The following NXPE4 variants were observed in gnomAD, a reference collection of about 807,000 sequenced individuals.
The protein encoded by NXPE4 is NXPE family member 4.
A neutral mutation model predicts 33.3 loss-of-function variants in NXPE4; 42 were observed. The observed-to-expected ratio is 1.26, with a 90% confidence interval of 0.98 to 1.63. The LOEUF (loss-of-function observed/expected upper bound fraction) is 1.63. Ranked by LOEUF, NXPE4 falls within the 40% of genes most tolerant of loss-of-function variation. The pLI is 0.00. For synonymous variants in NXPE4, 253 were observed against 234.9 expected (o/e 1.08, Z -0.71); for missense variants, 709 against 647.6 (o/e 1.09, Z -1.03).
chr11:114,656,830 T>C, the NXPE4 span, among the ~76,000 whole-genome samples: 1 of 152,070 alleles, frequency 6.6e-6, no homozygotes, highest in Non-Finnish European at 1.5e-5. Context: ...ATCAAATTAC[T>C]GCCTGTAATC....
the NXPE4 span, among the ~76,000 whole-genome samples, chr11:114,635,709 T>C: frequency 1.3e-5 from 2 of 151,990 alleles, no homozygotes; most frequent in African/African-American, 4.8e-5. Context: ...CTTTTCTGCA[T>C]CTATTGAGAT....
chr11:114,624,623 T>A, the NXPE4 span, among the ~76,000 whole-genome samples: 1 of 152,244 alleles, frequency 6.6e-6, no homozygotes, highest in Admixed American at 6.5e-5. Flanking sequence ...GGGCAACCAC[T>A]GTTACCCAGT....
chr11:114,641,523 A>G, the NXPE4 span, among the ~76,000 whole-genome samples: 3 of 152,102 alleles, frequency 2.0e-5, no homozygotes, highest in Non-Finnish European at 2.9e-5. Context: ...TGAGAGGGAA[A>G]TATGTAACTG....
At chr11:114,584,914 T>A (rs1949254934) in intron 2 of NXPE4, among the ~76,000 whole-genome samples, 1 of 152,126 alleles carries the variant, frequency 6.6e-6, no homozygotes, top group African/African-American at 2.4e-5. Flanking sequence ...CTGCAGGTCT[T>A]AACTCTGAAG....
the NXPE4 span, among the ~76,000 whole-genome samples, chr11:114,675,806 A>G: frequency 2.0e-5 from 3 of 151,996 alleles, no homozygotes; most frequent in Non-Finnish European, 4.4e-5. Flanking sequence ...ATCTTGACCA[A>G]TAATATCAAA....
intron 4 of NXPE4, 111 bp downstream of exon 4, chr11:114,581,614 G>C (rs1254727812): frequency 1.2e-6 from 1 of 846,430 alleles, no homozygotes; most frequent in Non-Finnish European, 1.9e-6. Context: ...AGATAAGCCA[G>C]ATGAACAGAG....
the NXPE4 span, among the ~76,000 whole-genome samples, chr11:114,644,791 A>G: frequency 6.6e-6 from 1 of 152,020 alleles, no homozygotes; most frequent in Non-Finnish European, 1.5e-5. Flanking sequence ...GCAGAGGATG[A>G]AAATAATGGA....
At chr11:114,621,639 C>G in the NXPE4 span, among the ~76,000 whole-genome samples, 2 of 152,068 alleles carry the variant, frequency 1.3e-5, no homozygotes, top group African/African-American at 4.8e-5. Flanking sequence ...ATAAGTATTG[C>G]CTTGTGGGTT....
chr11:114,630,191 C>G, the NXPE4 span, among the ~76,000 whole-genome samples: 2 of 151,684 alleles, frequency 1.3e-5, no homozygotes, highest in African/African-American at 4.9e-5. Context: ...TCATATGGAA[C>G]CAAAAAAGAG....
At chr11:114,621,466 T>G in the NXPE4 span, among the ~76,000 whole-genome samples, 1 of 152,152 alleles carries the variant, frequency 6.6e-6, no homozygotes, top group Non-Finnish European at 1.5e-5. Flanking sequence ...GGATAATAAG[T>G]ATTGCCTCAT....
the NXPE4 span, among the ~76,000 whole-genome samples, chr11:114,607,051 C>T: frequency 3.2e-3 from 487 of 152,084 alleles, no homozygotes; most frequent in African/African-American, 0.011. Context: ...ATAAGTATTG[C>T]CTCGTGGGTA....
the NXPE4 span, among the ~76,000 whole-genome samples, chr11:114,642,349 G>C: frequency 6.6e-6 from 1 of 151,938 alleles, no homozygotes; most frequent in African/African-American, 2.4e-5. Context: ...AGATATACAC[G>C]TACCATGGTG....
chr11:114,630,559 C>G, the NXPE4 span, among the ~76,000 whole-genome samples: 1 of 151,548 alleles, frequency 6.6e-6, no homozygotes, highest in Non-Finnish European at 1.5e-5. Context: ...AGACCTAAAA[C>G]CATAAAAACC....
At chr11:114,625,600 G>A in the NXPE4 span, among the ~76,000 whole-genome samples, 2 of 152,188 alleles carry the variant, frequency 1.3e-5, no homozygotes, top group Non-Finnish European at 1.5e-5. Flanking sequence ...GTTATCTGGT[G>A]GATAATAAAT....
the NXPE4 span, among the ~76,000 whole-genome samples, chr11:114,672,037 A>G: frequency 1.4e-4 from 22 of 152,022 alleles, no homozygotes; most frequent in African/African-American, 3.6e-4. Context: ...ACATCTTCAC[A>G]TGGCTGGTGG....
the NXPE4 span, among the ~76,000 whole-genome samples, chr11:114,667,797 G>A: frequency 6.4e-4 from 97 of 152,194 alleles, no homozygotes; most frequent in Admixed American, 1.4e-3. Context: ...GATGATGAGC[G>A]TATCTCCAGC....
the NXPE4 span, among the ~76,000 whole-genome samples, chr11:114,624,343 GATA>G: frequency 6.6e-6 from 1 of 151,836 alleles, no homozygotes; most frequent in Non-Finnish European, 1.5e-5. Flanking sequence ...TTACTCAGTG[GATA>G]ATAATTATTG....
chr11:114,580,928 C>T (rs1211724088), intron 4 of NXPE4, among the ~76,000 whole-genome samples: 2 of 152,066 alleles, frequency 1.3e-5, no homozygotes, highest in African/African-American at 4.8e-5. Context: ...GTTGAGGTAG[C>T]CACAATGGTG....
chr11:114,581,020 T>G (rs2135223484), intron 4 of NXPE4, among the ~76,000 whole-genome samples: 1 of 152,344 alleles, frequency 6.6e-6, no homozygotes, highest in South Asian at 2.1e-4. Flanking sequence ...TGTACTCATG[T>G]ATGTGTGGTA....
Sources: gnomAD v4.1 joint callset for allele counts (sites outside exome capture counted in the v4.1 genomes callset) on GRCh38, gnomAD v4.1.1 for gene constraint, MANE v1.5 for transcripts, NCBI Gene and HGNC (gene_info 2026-07-23, HGNC 2026-07-21) for gene names.